ADAMTS16: variants seen among roughly 807,000 people sequenced by gnomAD.
ADAMTS16 encodes the protein ADAM metallopeptidase with thrombospondin type 1 motif 16.
ADAMTS16 carries 94 observed loss-of-function variants against 145.8 expected under a neutral mutation model. The observed-to-expected ratio is 0.64, with a 90% CI of 0.55 to 0.77. The LOEUF is 0.77. ADAMTS16 is among the 30% of genes least tolerant of loss of function. The pLI, the probability that ADAMTS16 is intolerant of heterozygous loss-of-function variation, is 0.00. For missense variants in ADAMTS16, 1,585 were observed against 1,591.5 expected, an observed-to-expected ratio of 1.00 and a Z score of 0.07; for synonymous variants, 659 against 604.3, an observed-to-expected ratio of 1.09 and a Z score of -1.33.
chr5:5,250,734 T>C (rs73735766), intron 17 of ADAMTS16, among the ~76,000 whole-genome samples: 2 of 147,156 alleles, frequency 1.4e-5, no homozygotes, highest in African/African-American at 5.1e-5. Flanking sequence ...TGTGTGTGTG[T>C]GTGCGCGCAC....
At chr5:5,307,564 C>A (rs1363304881) in intron 21 of ADAMTS16, among the ~76,000 whole-genome samples, 37 of 152,194 alleles carry the variant, frequency 2.4e-4, no homozygotes. Context: ...TCTCGCCCAT[C>A]TCCATGTGGG....
Position 5,189,587 on chromosome 5 carries a change from G to A in ADAMTS16, c.1048-384G>A, listed in dbSNP as rs189927151. ...GAGATAAACATATCACCATCTAGACGTGTTTTTGTATATGTATGTACAAAG... is the reference window on the plus strand; with the variant it reads ...GAGATAAACATATCACCATCTAGACATGTTTTTGTATATGTATGTACAAAG... On this transcript the variant is annotated intron_variant, in intron 6 of 22. Coordinates refer to ENST00000274181, the MANE Select transcript of ADAMTS16 (RefSeq NM_139056.4). Among the ~76,000 whole-genome samples, 448 of 152,252 alleles carry A rather than the reference G, an allele frequency of 2.9e-3. 1 individual carries two copies. The highest frequency in any genetic ancestry group is 4.7e-3 in the Non-Finnish European group (320 of 68,032).
At chr5:5,254,127 C>G (rs78354960) in intron 17 of ADAMTS16, among the ~76,000 whole-genome samples, 4,076 of 152,260 alleles carry the variant, frequency 0.027, 213 homozygotes, top group African/African-American at 0.094. Flanking sequence ...AAAGACTTCT[C>G]TGGGCTTTTT....
rs150584758 is a variant in ADAMTS16, at chr5:5,172,046, A to G, written c.502-9998A>G. Among the ~76,000 whole-genome samples, 102 of 152,188 alleles carry G rather than the reference A, an allele frequency of 6.7e-4. 3 individuals carry two copies. Among genetic ancestry groups the G allele is most frequent in the African/African-American group, 2.3e-3 (97 of 41,570 alleles). ...TCCATTTCTTCTAGGCTTTCCAATT[A>G]GCATATAGCTGTTCACAGAAGCCTC... is the stretch of plus-strand genomic sequence containing the variant. On this transcript the variant is annotated intron_variant, in intron 3 of 22. Coordinates refer to ENST00000274181, the MANE Select transcript of ADAMTS16 (RefSeq NM_139056.4).
intron 3 of ADAMTS16, among the ~76,000 whole-genome samples, chr5:5,150,987 C>G (rs938218110): frequency 6.6e-6 from 1 of 152,126 alleles, no homozygotes; most frequent in Admixed American, 6.5e-5. Context: ...TTCTCTGAGG[C>G]TCCATTCATT....
In ADAMTS16 at chr5:5,313,000, G is replaced by A. The variant is rs372616194; in HGVS notation, c.3412-5134G>A. Among the ~76,000 whole-genome samples, 25 of 152,282 alleles carry A rather than the reference G, an allele frequency of 1.6e-4. No individual in the cohort carries two copies. In the East Asian group the frequency reaches 1.9e-3, roughly 12 times the overall value. On this transcript the variant is annotated intron_variant, in intron 21 of 22. Transcript: ENST00000274181. ...GAGACTTCAGGCAAATTTAGAAAGT[G>A]GAAAACAAGCTTTATCATTATTTAA... is the stretch of plus-strand genomic sequence containing the variant.
chr5:5,188,589 C>T (rs539602923), intron 6 of ADAMTS16, among the ~76,000 whole-genome samples: 1 of 152,334 alleles, frequency 6.6e-6, no homozygotes, highest in East Asian at 1.9e-4. Context: ...CCAGCCTCAG[C>T]TCCACCCTTG....
At chr5:5,179,542 A>C (rs1258704896) in intron 3 of ADAMTS16, among the ~76,000 whole-genome samples, 1 of 152,256 alleles carries the variant, frequency 6.6e-6, no homozygotes, top group Non-Finnish European at 1.5e-5. Flanking sequence ...AAATACAAAA[A>C]GGTTGAAAGC....
Position 5,305,384 on chromosome 5 carries a change from CA to C in ADAMTS16, c.3187-1118del, listed in dbSNP as rs1282213755. Among the ~76,000 whole-genome samples, 5 of 46,302 alleles carry C rather than the reference CA, an allele frequency of 1.1e-4. 1 individual carries two copies. Among genetic ancestry groups the C allele is most frequent in the African/African-American group, 2.4e-4 (3 of 12,648 alleles). 30.4% of individuals were successfully genotyped at this position (46,302 alleles called of 152,430 possible). A position where few individuals can be genotyped will look rare whatever the true frequency, so the allele number is the denominator to read the frequency against. On this transcript the variant is annotated intron_variant, in intron 20 of 22. Transcript: ENST00000274181. The stretch of plus-strand genomic sequence containing the variant: ...ACACACATCCCACACCACACACACA[CA>C]ATCCCACACCACACACACACACACA...
intron 17 of ADAMTS16, among the ~76,000 whole-genome samples, chr5:5,246,453 T>C (rs1337059691): frequency 6.6e-6 from 1 of 152,216 alleles, no homozygotes; most frequent in Non-Finnish European, 1.5e-5. Context: ...AGGGATTAGG[T>C]TTGAAAAAAA....
At chr5:5,274,681 T>TACATATATATACACATATATATGC (rs1738617699) in intron 18 of ADAMTS16, among the ~76,000 whole-genome samples, 1 of 140,918 alleles carries the variant, frequency 7.1e-6, no homozygotes, top group Non-Finnish European at 1.6e-5. Flanking sequence ...TGTGTATATA[T>TACATATATATACACATATATATGC]ATACATATAT....
Position 5,240,043 on chromosome 5 carries a change from T to C in ADAMTS16, c.2523+118T>C. On this transcript the variant is annotated intron_variant, in intron 16 of 22. Coordinates refer to ENST00000274181, the MANE Select transcript of ADAMTS16 (RefSeq NM_139056.4). ...ATGTAAACAGTTATAAAAAGAGTGATCCATCCATAGCCGGAATGAGGCAGC... is the reference window on the plus strand; with the variant it reads ...ATGTAAACAGTTATAAAAAGAGTGACCCATCCATAGCCGGAATGAGGCAGC... 5 of 1,466,302 alleles carry C rather than the reference T, an allele frequency of 3.4e-6. No homozygotes were observed. The South Asian group carries it at 6.7e-5, about 20-fold the overall frequency. 90.8% of individuals were successfully genotyped at this position (1,466,302 alleles called of 1,614,324 possible).
intron 10 of ADAMTS16, among the ~76,000 whole-genome samples, chr5:5,217,772 A>G (rs911985966): frequency 3.9e-5 from 6 of 152,244 alleles, no homozygotes; most frequent in Non-Finnish European, 8.8e-5. Context: ...AGCTACAAAG[A>G]TAAAGCAAGA....
Position 5,146,425 on chromosome 5 carries a change from C to T in ADAMTS16, c.471C>T (p.Ser157=). 6.2e-7 allele frequency: 1 copy of T among 1,611,080 alleles called. No individual in the cohort carries two copies. Among genetic ancestry groups the T allele is most frequent in the Non-Finnish European group, 8.5e-7 (1 of 1,179,618 alleles). ...GCTCTTTGCGATCACACAGAAACTC[C>T]TCAGTGGCCCTTTCAACCTGCCAAG... ...YQGSLRSHRN[S]SVALSTCQGL... is the part of the protein sequence containing the mutation. The change falls in exon 3 of 23, where the codon TCC becomes TCT. Residue 157 remains serine, a synonymous_variant. Coordinates refer to ENST00000274181, the MANE Select transcript of ADAMTS16 (RefSeq NM_139056.4).
intron 9 of ADAMTS16, among the ~76,000 whole-genome samples, chr5:5,201,844 T>C (rs1261864619): frequency 6.6e-6 from 1 of 152,226 alleles, no homozygotes; most frequent in East Asian, 1.9e-4. Context: ...TTAGATCCTG[T>C]AGACTCTTCA....
chr5:5,210,894 A>G (rs1468323917), intron 10 of ADAMTS16, among the ~76,000 whole-genome samples: 1 of 152,118 alleles, frequency 6.6e-6, no homozygotes. Flanking sequence ...AGTTTTTTCC[A>G]TTGGACTTTG....
chr5:5,168,659 A>G (rs1316902980), intron 3 of ADAMTS16, among the ~76,000 whole-genome samples: 1 of 110,508 alleles, frequency 9.0e-6, no homozygotes, highest in Admixed American at 1.3e-4. Flanking sequence ...TTTATATATT[A>G]TATTTATATA....
chr5:5,151,217 T>G, intron 3 of ADAMTS16, among the ~76,000 whole-genome samples: 1 of 58,072 alleles, frequency 1.7e-5, no homozygotes, highest in Admixed American at 1.3e-4. Flanking sequence ...TCTTTTCTCT[T>G]ATTTATTTAT....
chr5:5,306,482 T>A, intron 20 of ADAMTS16, 22 bp from the exon 21 acceptor site: 2 of 1,583,832 alleles, frequency 1.3e-6, no homozygotes, highest in African/African-American at 2.7e-5. Context: ...TTCACTGACT[T>A]CTTTTGTTCT....
Sources: allele counts gnomAD v4.1 joint callset (sites outside exome capture counted in the v4.1 genomes callset), GRCh38; gene constraint gnomAD v4.1.1; transcripts MANE v1.5; gene names NCBI Gene and HGNC (gene_info 2026-07-23, HGNC 2026-07-21).